The following WWOX variants were observed in gnomAD, a reference collection of about 807,000 sequenced individuals.
WWOX encodes WW domain containing oxidoreductase.
A neutral mutation model predicts 46.2 loss-of-function variants in WWOX; 69 were observed. That is an observed-to-expected ratio of 1.49 (90% CI 1.23 to 1.82). The LOEUF is 1.82. WWOX is among the 40% of genes most tolerant of loss of function. WWOX has a pLI of 0.00. For synonymous variants in WWOX, 359 were observed against 202.6 expected, an observed-to-expected ratio of 1.77 and a Z score of -6.56; for missense variants, 919 against 542.6, an observed-to-expected ratio of 1.69 and a Z score of -6.89.
intron 8 of WWOX, among the ~76,000 whole-genome samples, chr16:78,442,907 G>A (rs954582594): frequency 2.0e-5 from 3 of 152,024 alleles, no homozygotes; most frequent in Non-Finnish European, 4.4e-5. Flanking sequence ...CGAATCACGA[G>A]GTCAGGAGAT....
intron 8 of WWOX, among the ~76,000 whole-genome samples, chr16:78,625,201 C>G (rs2046284435): frequency 6.6e-6 from 1 of 152,206 alleles, no homozygotes; most frequent in Non-Finnish European, 1.5e-5. Context: ...ATGAGGACAG[C>G]TGCAGTTCTG....
chr16:79,059,600 C>T (rs768506557), intron 8 of WWOX, among the ~76,000 whole-genome samples: 5 of 152,156 alleles, frequency 3.3e-5, no homozygotes, highest in Non-Finnish European at 7.3e-5. Flanking sequence ...AAGTGATGCT[C>T]CTGCCTCAGC....
chr16:78,716,047 A>G (rs1324043193), intron 8 of WWOX, among the ~76,000 whole-genome samples: 18 of 151,548 alleles, frequency 1.2e-4, no homozygotes, highest in Admixed American at 1.2e-3. Context: ...TATCATCAAG[A>G]GGAATGTCTA....
At chr16:79,136,532 A>G (rs2049985087) in intron 8 of WWOX, among the ~76,000 whole-genome samples, 1 of 152,142 alleles carries the variant, frequency 6.6e-6, no homozygotes, top group Non-Finnish European at 1.5e-5. Flanking sequence ...CCTGGCCCTG[A>G]TGTCACTTCT....
In WWOX at chr16:78,343,894, T is replaced by A. The variant is rs1179745826; in HGVS notation, c.517-42966T>A. Among the ~76,000 whole-genome samples, 6 of 120,334 alleles carry A rather than the reference T, an allele frequency of 5.0e-5. 2 individuals carry two copies. The highest frequency in any genetic ancestry group is 1.7e-4 in the African/African-American group (6 of 35,444). 78.9% of individuals were successfully genotyped at this position (120,334 alleles called of 152,430 possible). On this transcript the variant is annotated intron_variant, in intron 5 of 8. Coordinates refer to ENST00000566780, the MANE Select transcript of WWOX (RefSeq NM_016373.4). ...TGAGAAATGATGATGGTGACAATGA[T>A]GACAATGACGATGACCCTTGGTTGG...
At chr16:78,736,884 T>C (rs933311681) in intron 8 of WWOX, among the ~76,000 whole-genome samples, 6 of 151,876 alleles carry the variant, frequency 4.0e-5, no homozygotes, top group African/African-American at 1.5e-4. Context: ...GCTGGGATTA[T>C]AGGCATGAGG....
chr16:78,782,406 G>T (rs544941016), intron 8 of WWOX, among the ~76,000 whole-genome samples: 1 of 152,176 alleles, frequency 6.6e-6, no homozygotes, highest in African/African-American at 2.4e-5. Context: ...CTAGGAGAAA[G>T]GTAGAGCTCT....
chr16:78,442,231 T>C (rs983470322), intron 8 of WWOX, among the ~76,000 whole-genome samples: 26 of 152,142 alleles, frequency 1.7e-4, no homozygotes, highest in Admixed American at 9.8e-4. Context: ...TCAAGCTAAT[T>C]AACACATCGG....
chr16:78,338,296 C>G lies in WWOX; in HGVS notation c.517-48564C>G, dbSNP rs954175388. 2.5e-5 allele frequency among the ~76,000 whole-genome samples: 3 copies of G among 121,438 alleles called. 1 individual carries two copies. Among genetic ancestry groups the G allele is most frequent in the Non-Finnish European group, 3.9e-5 (2 of 50,858 alleles). The allele number at this position is 121,438 out of a possible 152,430, so 79.7% of individuals were successfully genotyped here. ...TAGTGAGCAGGTGGAAATGTAGACA[C>G]CAACACCCTCATGGATTCCCAGCTG... On this transcript the variant is annotated intron_variant, in intron 5 of 8. Transcript: ENST00000566780.
chr16:78,601,441 G>GA (rs58096899), intron 8 of WWOX, among the ~76,000 whole-genome samples: 120,584 of 143,980 alleles, frequency 0.84, 50,524 homozygotes, highest in East Asian at 0.92. Flanking sequence ...CCAGCAGAGA[G>GA]AAAAAAAAAA....
intron 5 of WWOX, among the ~76,000 whole-genome samples, chr16:78,210,222 A>C (rs1424531050): frequency 6.6e-6 from 1 of 152,214 alleles, no homozygotes; most frequent in South Asian, 2.1e-4. Context: ...ATTTTGAGCC[A>C]GGCTGTGGAT....
At chr16:79,040,851 AC>A (rs2151409990) in intron 8 of WWOX, among the ~76,000 whole-genome samples, 1 of 152,090 alleles carries the variant, frequency 6.6e-6, no homozygotes, top group Non-Finnish European at 1.5e-5. Context: ...TTTTCCGATC[AC>A]AGAAAGTAAC....
chr16:79,028,724 C>G (rs2047694970), intron 8 of WWOX, among the ~76,000 whole-genome samples: 1 of 151,796 alleles, frequency 6.6e-6, no homozygotes, highest in Admixed American at 6.6e-5. Flanking sequence ...ACTCTCTAAA[C>G]TTCTTTCCAC....
intron 8 of WWOX, among the ~76,000 whole-genome samples, chr16:79,033,150 A>G (rs2047798285): frequency 6.8e-6 from 1 of 146,132 alleles, no homozygotes; most frequent in Non-Finnish European, 1.5e-5. Flanking sequence ...TGTAATATAT[A>G]TATAATATAT....
chr16:78,731,370 A>G (rs553938733), intron 8 of WWOX, among the ~76,000 whole-genome samples: 4 of 152,136 alleles, frequency 2.6e-5, no homozygotes, highest in East Asian at 3.9e-4. Context: ...TATAGATTGC[A>G]TGACTTCAAA....
intron 8 of WWOX, among the ~76,000 whole-genome samples, chr16:78,996,604 AT>A (rs1452120013): frequency 6.6e-6 from 1 of 152,110 alleles, no homozygotes; most frequent in Non-Finnish European, 1.5e-5. Flanking sequence ...TTACAACAGT[AT>A]TTAGATGAGA....
chr16:79,046,904 G>A (rs1014517555), intron 8 of WWOX, among the ~76,000 whole-genome samples: 1 of 151,962 alleles, frequency 6.6e-6, no homozygotes, highest in Non-Finnish European at 1.5e-5. Context: ...TAATACGATT[G>A]GTTACTCAAA....
At chr16:78,982,737 C>G (rs1045809117) in intron 8 of WWOX, among the ~76,000 whole-genome samples, 1 of 152,190 alleles carries the variant, frequency 6.6e-6, no homozygotes, top group Non-Finnish European at 1.5e-5. Flanking sequence ...CATTTGAATC[C>G]TGCAAACCCT....
rs191993257 is a variant in WWOX at position 78,345,270 on chromosome 16, C to G, written c.517-41590C>G. On this transcript the variant is annotated intron_variant, in intron 5 of 8. Coordinates refer to ENST00000566780, the MANE Select transcript of WWOX (RefSeq NM_016373.4). Reference sequence around the variant, plus strand: ...GTATTCCTCATCTATAAAAGGGAGACTTCAATCTTATTTAATGGCAAAAGT... The same window carrying G: ...GTATTCCTCATCTATAAAAGGGAGAGTTCAATCTTATTTAATGGCAAAAGT... Among the ~76,000 whole-genome samples, 107 of 113,818 alleles carry G rather than the reference C, an allele frequency of 9.4e-4. 5 individuals are homozygous for G. In the East Asian group the frequency reaches 0.019, roughly 20 times the overall value. 74.7% of individuals were successfully genotyped at this position (113,818 alleles called of 152,430 possible).
Sources: allele counts gnomAD v4.1 joint callset (sites outside exome capture counted in the v4.1 genomes callset), GRCh38; gene constraint gnomAD v4.1.1; transcripts MANE v1.5; gene names NCBI Gene and HGNC (gene_info 2026-07-23, HGNC 2026-07-21).